LRRC7: variants seen among roughly 807,000 people sequenced by gnomAD.
LRRC7 encodes the protein leucine-rich repeat-containing protein 7.
In LRRC7, 23 loss-of-function variants were observed where a neutral mutation model predicts 175.7. The ratio of observed to expected loss-of-function variants is 0.13; its 90% CI spans 0.09 to 0.19. The LOEUF (loss-of-function observed/expected upper bound fraction) is 0.19, where lower values mean the gene tolerates loss of function less well. Among genes scored for constraint, LRRC7 ranks in the 10% least tolerant of loss-of-function variants. The pLI, the probability that LRRC7 is intolerant of heterozygous loss-of-function variation, is 1.00. For synonymous variants in LRRC7, 685 were observed against 680.9 expected (o/e 1.01, Z -0.09); for missense variants, 1,354 against 1,904.7 (o/e 0.71, Z 5.38).
chr1:69,966,200 CA>C (rs1651651028), intron 8 of LRRC7, among the ~76,000 whole-genome samples: 2 of 151,958 alleles, frequency 1.3e-5, no homozygotes, highest in South Asian at 4.1e-4. Context: ...TTTTATTGGC[CA>C]ATTTGCATTT....
chr1:69,718,668 A>G (rs1666016739), intron 2 of LRRC7, among the ~76,000 whole-genome samples: 1 of 151,864 alleles, frequency 6.6e-6, no homozygotes, highest in Non-Finnish European at 1.5e-5. Context: ...TAGGATCATC[A>G]ATATTCAGTC....
chr1:69,952,824 C>T lies in LRRC7; in HGVS notation c.711+21254C>T, dbSNP rs538871223. 9.9e-5 allele frequency among the ~76,000 whole-genome samples: 15 copies of T among 151,840 alleles called. No individual in the cohort carries two copies. In the South Asian group the frequency reaches 3.1e-3, roughly 32 times the overall value. ...ACCCTAGTGGTGCGTGGTCCTCCTA[C>T]ATGCTGTGGGAGCCCTCCTTTGGAG... is the stretch of plus-strand genomic sequence containing the variant. On this transcript the variant is annotated intron_variant, in intron 8 of 26. Transcript: ENST00000651989.
intron 26 of LRRC7, 83 bp from the exon 27 acceptor site, chr1:70,121,697 C>T: frequency 2.3e-6 from 2 of 862,520 alleles, no homozygotes; most frequent in Non-Finnish European, 3.6e-6. Flanking sequence ...TTGCTCAGTG[C>T]TCCCGTGAAT....
intron 2 of LRRC7, among the ~76,000 whole-genome samples, chr1:69,720,594 T>G (rs2100777661): frequency 6.7e-6 from 1 of 148,662 alleles, no homozygotes; most frequent in Admixed American, 6.9e-5. Flanking sequence ...CATTTTAGGA[T>G]TTCTTTTAGT....
At chr1:69,662,627 C>G (rs746053008) in intron 1 of LRRC7, among the ~76,000 whole-genome samples, 1 of 152,138 alleles carries the variant, frequency 6.6e-6, no homozygotes, top group African/African-American at 2.4e-5. Context: ...CATGTGGTTT[C>G]TTTTCACACT....
At chr1:69,640,925 T>C (rs2100427983) in intron 1 of LRRC7, among the ~76,000 whole-genome samples, 1 of 151,750 alleles carries the variant, frequency 6.6e-6, no homozygotes, top group South Asian at 2.1e-4. Flanking sequence ...AATTAAGATA[T>C]TTATTAGGAA....
chr1:69,619,219 G>A (rs1161518064), intron 1 of LRRC7, among the ~76,000 whole-genome samples: 2 of 152,140 alleles, frequency 1.3e-5, no homozygotes, highest in Non-Finnish European at 2.9e-5. Context: ...TGCTCTGCAA[G>A]ATCAAAACTA....
At chr1:70,006,870 T>C (rs971335113) in intron 11 of LRRC7, among the ~76,000 whole-genome samples, 5 of 152,096 alleles carry the variant, frequency 3.3e-5, no homozygotes, top group African/African-American at 1.2e-4. Flanking sequence ...TAAAGAATAT[T>C]ACAAGGGATA....
At chr1:69,615,190 C>T (rs1649422997) in intron 1 of LRRC7, among the ~76,000 whole-genome samples, 1 of 151,976 alleles carries the variant, frequency 6.6e-6, no homozygotes, top group Non-Finnish European at 1.5e-5. Context: ...CTTGCCACTT[C>T]CATTTAGGGA....
intron 7 of LRRC7, among the ~76,000 whole-genome samples, chr1:69,884,294 G>C (rs1180761303): frequency 1.1e-5 from 1 of 93,684 alleles, no homozygotes; most frequent in Non-Finnish European, 2.3e-5. Flanking sequence ...ATTTCATTGA[G>C]CAGTGGTTTG....
chr1:70,090,505 C>T (rs1350562114), intron 25 of LRRC7, among the ~76,000 whole-genome samples: 1 of 151,994 alleles, frequency 6.6e-6, no homozygotes, highest in Admixed American at 6.6e-5. Flanking sequence ...TGTGAACCAC[C>T]TGATTTTTTA....
intron 7 of LRRC7, among the ~76,000 whole-genome samples, chr1:69,840,641 A>AT (rs1177256847): frequency 2.6e-5 from 4 of 152,088 alleles, no homozygotes; most frequent in African/African-American, 9.6e-5. Flanking sequence ...TTCTAGGATA[A>AT]TTTTTTTCAG....
rs1269193501 is a variant in LRRC7 at position 70,141,193 on chromosome 1, A to G, written c.*19306A>G. Among the ~76,000 whole-genome samples the G allele has an allele frequency of 6.6e-6, 1 of 152,152 alleles. No homozygotes were observed. Among genetic ancestry groups the G allele is most frequent in the Non-Finnish European group, 1.5e-5 (1 of 68,002 alleles). ...GGCTGCAAATGAGCAAGGGAGCTTC[A>G]TTCAGTTGGGACAATTCAGGGTTCA... On this transcript the variant is annotated 3_prime_UTR_variant, in exon 27 of 27. Transcript: ENST00000651989.
At chr1:69,986,073 C>T (rs1316927710) in intron 9 of LRRC7, among the ~76,000 whole-genome samples, 169 bp from the exon 10 acceptor site, 1 of 152,194 alleles carries the variant, frequency 6.6e-6, no homozygotes, top group East Asian at 1.9e-4. Flanking sequence ...TACCATTTTA[C>T]ATTCCTACTA....
intron 25 of LRRC7, among the ~76,000 whole-genome samples, chr1:70,090,148 C>G (rs1227657215): frequency 6.6e-6 from 1 of 152,088 alleles, no homozygotes; most frequent in African/African-American, 2.4e-5. Flanking sequence ...CAATTTCTAA[C>G]AAGTTGTTTC....
At chr1:69,589,150 G>GTA (rs1209703639) in intron 1 of LRRC7, among the ~76,000 whole-genome samples, 29 of 141,322 alleles carry the variant, frequency 2.1e-4, no homozygotes, top group African/African-American at 7.5e-4. Flanking sequence ...GTGTGTGTGT[G>GTA]TGTATGTCTG....
At chr1:69,954,681 C>T (rs1650307062) in intron 8 of LRRC7, among the ~76,000 whole-genome samples, 1 of 151,948 alleles carries the variant, frequency 6.6e-6, no homozygotes, top group Non-Finnish European at 1.5e-5. Context: ...TATAAGATAA[C>T]CACAATAATT....
intron 8 of LRRC7, among the ~76,000 whole-genome samples, chr1:69,934,619 G>T (rs1165010889): frequency 6.6e-6 from 1 of 151,468 alleles, no homozygotes; most frequent in Non-Finnish European, 1.5e-5. Context: ...TGAGAGTAAG[G>T]ATCATTCATG....
chr1:69,973,963 C>G (rs1652545772), intron 8 of LRRC7, among the ~76,000 whole-genome samples: 1 of 152,128 alleles, frequency 6.6e-6, no homozygotes, highest in Non-Finnish European at 1.5e-5. Flanking sequence ...CTATGTTCCC[C>G]CTCCGAGTCG....
Sources: gnomAD v4.1 joint callset for allele counts (sites outside exome capture counted in the v4.1 genomes callset) on GRCh38, gnomAD v4.1.1 for gene constraint, MANE v1.5 for transcripts, NCBI Gene and HGNC (gene_info 2026-07-23, HGNC 2026-07-21) for gene names.